Variants in RUNX2 observed in about 807,000 individuals in gnomAD.
RUNX2 encodes runt-related transcription factor 2.
A neutral mutation model predicts 51.7 loss-of-function variants in RUNX2; 10 were observed. The ratio of observed to expected loss-of-function variants is 0.19; its 90% CI spans 0.12 to 0.33. The LOEUF (loss-of-function observed/expected upper bound fraction) is 0.33, where lower values mean the gene tolerates loss of function less well. Among genes scored for constraint, RUNX2 ranks in the 10% least tolerant of loss-of-function variants. The pLI, the probability that RUNX2 is intolerant of heterozygous loss-of-function variation, is 1.00. For synonymous variants in RUNX2, 276 were observed against 273.6 expected (o/e 1.01, Z -0.09); for missense variants, 562 against 691.3 (o/e 0.81, Z 2.10).
At chr6:45,474,035 G>T (rs1489806903) in intron 5 of RUNX2, among the ~76,000 whole-genome samples, 2 of 152,144 alleles carry the variant, frequency 1.3e-5, no homozygotes, top group East Asian at 3.8e-4. Context: ...TAAAAGAAAA[G>T]AAAAATTGCC....
chr6:45,500,082 G>A (rs1800761726), intron 6 of RUNX2, among the ~76,000 whole-genome samples: 2 of 152,034 alleles, frequency 1.3e-5, no homozygotes, highest in South Asian at 2.1e-4. Flanking sequence ...TTAACTTATG[G>A]GGTAACCCAG....
intron 2 of RUNX2, among the ~76,000 whole-genome samples, chr6:45,403,716 A>G (rs887356365): frequency 2.0e-5 from 3 of 152,220 alleles, no homozygotes; most frequent in African/African-American, 7.2e-5. Context: ...CAGGGATTCA[A>G]TAGTAAACAA....
intron 7 of RUNX2, among the ~76,000 whole-genome samples, chr6:45,527,088 A>T (rs925862223): frequency 6.6e-6 from 1 of 152,178 alleles, no homozygotes; most frequent in Non-Finnish European, 1.5e-5. Context: ...AACAAAAAAG[A>T]GTTAGCCCTG....
At chr6:45,386,359 G>A (rs772590396) in intron 2 of RUNX2, among the ~76,000 whole-genome samples, 9 of 152,096 alleles carry the variant, frequency 5.9e-5, no homozygotes, top group Non-Finnish European at 1.0e-4. Flanking sequence ...GAGCCACTGC[G>A]CCCGTCCTAT....
chr6:45,546,491 A>G (rs899071937), intron 8 of RUNX2, among the ~76,000 whole-genome samples: 1 of 152,072 alleles, frequency 6.6e-6, no homozygotes, highest in African/African-American at 2.4e-5. Flanking sequence ...GCAAAAAGAG[A>G]AAAAAAATCC....
rs1798226575 is a variant in RUNX2 at position 45,422,466 on chromosome 6, C to T, written c.59-127C>T. On this transcript the variant is annotated intron_variant, in intron 2 of 8. Coordinates refer to ENST00000647337, the MANE Select transcript of RUNX2 (RefSeq NM_001024630.4). ...TTTCTCACCTCCTCAGCCCCATCAC[C>T]TCCATCCTCTTTCCCCCCGTCTCGC... 4.8e-6 allele frequency: 4 copies of T among 835,892 alleles called. No individual in the cohort carries two copies. In the South Asian group the frequency reaches 5.8e-5, roughly 12 times the overall value. The allele number at this position is 835,892 out of a possible 1,614,324, so 51.8% of individuals were successfully genotyped here.
chr6:45,405,695 G>A (rs1797819572), intron 2 of RUNX2, among the ~76,000 whole-genome samples: 1 of 152,112 alleles, frequency 6.6e-6, no homozygotes, highest in African/African-American at 2.4e-5. Flanking sequence ...GCTAAGGCAG[G>A]AGAATCACTT....
chr6:45,439,666 TGC>T (rs1317259236), intron 5 of RUNX2, among the ~76,000 whole-genome samples: 2 of 151,878 alleles, frequency 1.3e-5, no homozygotes, highest in African/African-American at 4.8e-5. Flanking sequence ...TGTGTTTGTG[TGC>T]GTGTGTGTGT....
intron 5 of RUNX2, among the ~76,000 whole-genome samples, chr6:45,441,497 T>C (rs999687226): frequency 8.0e-4 from 122 of 152,244 alleles, no homozygotes; most frequent in African/African-American, 2.8e-3. Flanking sequence ...TATTGTAATG[T>C]ATGTAAAATG....
chr6:45,351,856 G>A (rs1194819660), intron 2 of RUNX2, among the ~76,000 whole-genome samples: 2 of 152,064 alleles, frequency 1.3e-5, no homozygotes, highest in African/African-American at 4.8e-5. Context: ...TGAGCACTTT[G>A]AAAAAGAGTA....
chr6:45,508,163 G>GT (rs1395808242), intron 6 of RUNX2, among the ~76,000 whole-genome samples: 2 of 135,424 alleles, frequency 1.5e-5, no homozygotes, highest in Admixed American at 1.5e-4. Context: ...CTTTAAAATT[G>GT]TTTTTTATGC....
intron 5 of RUNX2, among the ~76,000 whole-genome samples, chr6:45,448,341 C>T (rs1174655152): frequency 6.6e-6 from 1 of 152,156 alleles, no homozygotes; most frequent in African/African-American, 2.4e-5. Context: ...AGCAGGAATC[C>T]TTAGATATTG....
intron 7 of RUNX2, among the ~76,000 whole-genome samples, chr6:45,526,518 T>C (rs1268256565): frequency 6.6e-6 from 1 of 152,200 alleles, no homozygotes; most frequent in Admixed American, 6.5e-5. Flanking sequence ...TTAGATCTAT[T>C]TAAAGAAAAT....
At chr6:45,335,118 A>T (rs1395228217) in intron 2 of RUNX2, among the ~76,000 whole-genome samples, 1 of 151,250 alleles carries the variant, frequency 6.6e-6, no homozygotes, top group East Asian at 1.9e-4. Context: ...TTGACCATGT[A>T]ACCTGGGTAA....
chr6:45,514,510 G>C (rs1274497380), intron 7 of RUNX2, among the ~76,000 whole-genome samples: 1 of 152,142 alleles, frequency 6.6e-6, no homozygotes, highest in Non-Finnish European at 1.5e-5. Context: ...AACATTTCTG[G>C]AGTTGTCACT....
chr6:45,354,933 T>C (rs1792843415), intron 2 of RUNX2, among the ~76,000 whole-genome samples: 1 of 152,262 alleles, frequency 6.6e-6, no homozygotes, highest in East Asian at 1.9e-4. Context: ...TTTGTATGCA[T>C]TGGAAAGAAA....
At chr6:45,443,358 G>T (rs1052527899) in intron 5 of RUNX2, among the ~76,000 whole-genome samples, 2 of 152,102 alleles carry the variant, frequency 1.3e-5, no homozygotes, top group African/African-American at 4.8e-5. Context: ...AGGATGTTGG[G>T]CCTTCTTAAG....
At chr6:45,531,524 G>A (rs193148734) in intron 7 of RUNX2, among the ~76,000 whole-genome samples, 45 of 152,268 alleles carry the variant, frequency 3.0e-4, no homozygotes, top group Middle Eastern at 3.4e-3. Flanking sequence ...GGAGGCCGAG[G>A]TGGGCAGATC....
chr6:45,452,244 G>A (rs1799195369), intron 5 of RUNX2, among the ~76,000 whole-genome samples: 1 of 152,226 alleles, frequency 6.6e-6, no homozygotes, highest in Non-Finnish European at 1.5e-5. Context: ...TGGAGCTTGA[G>A]TGATGCAATC....
Sources: gnomAD v4.1 joint callset for allele counts (sites outside exome capture counted in the v4.1 genomes callset) on GRCh38, gnomAD v4.1.1 for gene constraint, MANE v1.5 for transcripts, NCBI Gene and HGNC (gene_info 2026-07-23, HGNC 2026-07-21) for gene names.